The following CRACD variants were observed in gnomAD, a reference collection of about 807,000 sequenced individuals.
CRACD encodes the protein capping protein-inhibiting regulator of actin dynamics.
A neutral mutation model predicts 106.8 loss-of-function variants in CRACD; 56 were observed. The observed-to-expected ratio is 0.52, with a 90% CI of 0.42 to 0.66. CRACD has a LOEUF of 0.66. Among genes scored for constraint, CRACD ranks in the 30% least tolerant of loss-of-function variants. The pLI is 0.00. For missense variants in CRACD, 1,730 were observed against 1,623.2 expected (o/e 1.07, Z -1.13); for synonymous variants, 754 against 670.8 (o/e 1.12, Z -1.92).
At chr4:56,260,965 G>A (rs147249963) in intron 2 of CRACD, among the ~76,000 whole-genome samples, 31 of 152,110 alleles carry the variant, frequency 2.0e-4, no homozygotes, top group African/African-American at 7.2e-4. Flanking sequence ...TGCTGGTTCT[G>A]TTTCTCTGAA....
At chr4:56,210,153 A>G (rs1738326228) in intron 2 of CRACD, among the ~76,000 whole-genome samples, 1 of 152,188 alleles carries the variant, frequency 6.6e-6, no homozygotes, top group Non-Finnish European at 1.5e-5. Flanking sequence ...CTAGAAACAC[A>G]AGATCACAGT....
intron 1 of CRACD, among the ~76,000 whole-genome samples, chr4:56,075,101 A>G (rs1196416235): frequency 6.6e-6 from 1 of 152,174 alleles, no homozygotes; most frequent in African/African-American, 2.4e-5. Flanking sequence ...TTTTTTATTG[A>G]GGATTTTCGC....
chr4:56,180,853 G>C (rs1736792401), intron 2 of CRACD, among the ~76,000 whole-genome samples: 1 of 152,202 alleles, frequency 6.6e-6, no homozygotes, highest in African/African-American at 2.4e-5. Flanking sequence ...ACTTAAAGAA[G>C]ATAAAAGTCA....
intron 1 of CRACD, among the ~76,000 whole-genome samples, chr4:56,132,845 G>A (rs543731267): frequency 1.3e-5 from 2 of 151,808 alleles, no homozygotes; most frequent in Non-Finnish European, 1.5e-5. Flanking sequence ...CTCCCCTCCC[G>A]TTCTCATCAA....
intron 2 of CRACD, among the ~76,000 whole-genome samples, chr4:56,221,728 A>G (rs1365778105): frequency 2.0e-5 from 3 of 152,212 alleles, no homozygotes; most frequent in Non-Finnish European, 4.4e-5. Flanking sequence ...GGCAAATGAC[A>G]TGAACAGACA....
chr4:56,286,895 A>G (rs1221484921), intron 3 of CRACD, among the ~76,000 whole-genome samples: 1 of 152,230 alleles, frequency 6.6e-6, no homozygotes, highest in African/African-American at 2.4e-5. Context: ...CACCTGAGCA[A>G]AGGTTACAGT....
intron 1 of CRACD, among the ~76,000 whole-genome samples, chr4:56,059,384 A>G (rs760263669): frequency 5.3e-5 from 8 of 152,178 alleles, no homozygotes; most frequent in Non-Finnish European, 1.0e-4. Context: ...GCTGAGGTGT[A>G]TGGATTGCTT....
rs35832943 is a variant in CRACD at position 56,161,767 on chromosome 4, A to ATT, written c.-335-17504_-335-17503dup. ...GAGCCACTGCACCTAGCCAAAGAGC[A>ATT]TTTTTTTTTTTTTTGAGATGGAGTC... On this transcript the variant is annotated intron_variant, in intron 1 of 10. Transcript: ENST00000682029. 2.1e-3 allele frequency among the ~76,000 whole-genome samples: 298 copies of ATT among 141,352 alleles called. 4 individuals carry two copies. Among genetic ancestry groups the ATT allele is most frequent in the African/African-American group, 3.3e-3 (128 of 38,444 alleles). The allele number at this position is 141,352 out of a possible 152,430, so 92.7% of individuals were successfully genotyped here. A position where few individuals can be genotyped will look rare whatever the true frequency, so the allele number is the denominator to read the frequency against.
At chr4:56,190,449 G>C (rs991488303) in intron 2 of CRACD, among the ~76,000 whole-genome samples, 4 of 152,172 alleles carry the variant, frequency 2.6e-5, no homozygotes, top group Non-Finnish European at 5.9e-5. Flanking sequence ...GTGTAAAAGT[G>C]TTCCTATTTC....
chr4:56,243,206 AT>A (rs1210836482), intron 2 of CRACD, among the ~76,000 whole-genome samples: 1 of 152,154 alleles, frequency 6.6e-6, no homozygotes, highest in Non-Finnish European at 1.5e-5. Flanking sequence ...CTTAAAAGAA[AT>A]CTGTTTGTCC....
intron 2 of CRACD, among the ~76,000 whole-genome samples, chr4:56,251,087 C>G (rs1741027484): frequency 6.6e-6 from 1 of 152,164 alleles, no homozygotes; most frequent in South Asian, 2.1e-4. Flanking sequence ...CTTCTTCCAT[C>G]TTTTACTTAA....
At position 56,095,342 on chromosome 4, in the gene CRACD, A is replaced by G. The variant is rs549487906; in HGVS notation, c.-336+46043A>G. Among the ~76,000 whole-genome samples, 4 of 152,336 alleles carry G rather than the reference A, an allele frequency of 2.6e-5. No individual in the cohort carries two copies. The South Asian group carries it at 8.3e-4, about 32-fold the overall frequency. Reference sequence around the variant, plus strand: ...AAGACAGATAATAAACTAGGAATCAAGAGCATGCAGTTTATCAGTACTATT... The same window carrying G: ...AAGACAGATAATAAACTAGGAATCAGGAGCATGCAGTTTATCAGTACTATT... On this transcript the variant is annotated intron_variant, in intron 1 of 10. Transcript: ENST00000682029.
intron 1 of CRACD, among the ~76,000 whole-genome samples, chr4:56,072,978 G>C (rs143122911): frequency 0.016 from 2,487 of 152,214 alleles, 79 homozygotes; most frequent in African/African-American, 0.057. Flanking sequence ...TTGTGTATGT[G>C]CCACATTTTC....
intron 1 of CRACD, among the ~76,000 whole-genome samples, chr4:56,067,074 G>A (rs1732488304): frequency 6.6e-6 from 1 of 152,128 alleles, no homozygotes; most frequent in Non-Finnish European, 1.5e-5. Context: ...AACAGGGCTT[G>A]CCTAGGTCCC....
Position 56,314,604 on chromosome 4 carries a change from G to A in CRACD, c.1102G>A (p.Gly368Arg), listed in dbSNP as rs1225032049. 2 of 1,530,376 alleles carry A rather than the reference G, an allele frequency of 1.3e-6. No homozygotes were observed. Among genetic ancestry groups the A allele is most frequent in the Admixed American group, 2.0e-5 (1 of 49,108 alleles). 94.8% of individuals were successfully genotyped at this position (1,530,376 alleles called of 1,614,324 possible). A position where few individuals can be genotyped will look rare whatever the true frequency, so the allele number is the denominator to read the frequency against. Residue 368 changes from glycine (G) to arginine (R), a missense_variant, in exon 8 of 11, where the codon GGA becomes AGA. This residue lies in a region of CRACD where 1,620 missense variants were observed against 1,481.6 expected (regional missense o/e 1.09). Transcript: ENST00000682029. This position sits in a 1 kb window ranked among gnomAD's most constrained non-coding sequence, Gnocchi z 4.4. Reference protein sequence around the residue: ...LKRQEEEEAEGWEELEQQEAE... With the variant: ...LKRQEEEEAERWEELEQQEAE... ...AAGGCAGGAGGAGGAGGAGGCTGAG[G>A]GATGGGAAGAGCTGGAACAGCAGGA...
intron 2 of CRACD, among the ~76,000 whole-genome samples, chr4:56,205,505 A>G (rs1435524092): frequency 6.6e-6 from 1 of 152,064 alleles, no homozygotes; most frequent in Non-Finnish European, 1.5e-5. Flanking sequence ...CAATTTTACA[A>G]TCCGGTTAAA....
At chr4:56,222,744 G>A (rs1029261022) in intron 2 of CRACD, among the ~76,000 whole-genome samples, 2 of 151,286 alleles carry the variant, frequency 1.3e-5, no homozygotes, top group African/African-American at 4.9e-5. Flanking sequence ...TCAGGAGTTC[G>A]AGAACCTAGC....
intron 2 of CRACD, among the ~76,000 whole-genome samples, chr4:56,254,454 G>A (rs564638176): frequency 1.3e-5 from 2 of 151,274 alleles, no homozygotes; most frequent in South Asian, 2.1e-4. Context: ...TTCACAGATC[G>A]GCACAAAGGA....
At chr4:56,130,207 GCTATAGCA>G (rs1183256784) in intron 1 of CRACD, among the ~76,000 whole-genome samples, 1 of 152,008 alleles carries the variant, frequency 6.6e-6, no homozygotes, top group Admixed American at 6.6e-5. Context: ...GGAGGTTGAG[GCTATAGCA>G]AGCCGTAAAC....
Sources: allele counts gnomAD v4.1 joint callset (sites outside exome capture counted in the v4.1 genomes callset), GRCh38; gene constraint gnomAD v4.1.1; regional missense constraint gnomAD v4.1.1; non-coding constraint Gnocchi (gnomAD v3.1); transcripts MANE v1.5; gene names NCBI Gene and HGNC (gene_info 2026-07-23, HGNC 2026-07-21).